RP1: variants seen among roughly 807,000 people sequenced by gnomAD.
The protein encoded by RP1 is oxygen-regulated protein 1.
RP1 carries 16 observed loss-of-function variants against 14.8 expected under a neutral mutation model. The observed-to-expected ratio is 1.08, with a 90% confidence interval of 0.73 to 1.65. The LOEUF (loss-of-function observed/expected upper bound fraction) is 1.65, where lower values mean the gene tolerates loss of function less well. Among genes scored for constraint, RP1 ranks in the 40% most tolerant of loss-of-function variants. RP1 has a pLI of 0.00. For missense variants in RP1, 2,631 were observed against 2,535.0 expected (o/e 1.04, Z -0.81); for synonymous variants, 876 against 883.6 (o/e 0.99, Z 0.15).
At chr8:54,853,641 TG>T (rs1459759160) in intron 26 of RP1, among the ~76,000 whole-genome samples, 1 of 151,696 alleles carries the variant, frequency 6.6e-6, no homozygotes, top group Non-Finnish European at 1.5e-5. Flanking sequence ...AAAATATTAT[TG>T]GAAAAAAATT....
chr8:54,834,948 T>C (rs939639087), intron 24 of RP1, among the ~76,000 whole-genome samples: 5 of 152,146 alleles, frequency 3.3e-5, no homozygotes, highest in African/African-American at 9.6e-5. Flanking sequence ...TATGAAAGTG[T>C]CTTAAACAGA....
At chr8:54,749,766 G>T (rs555721615) in intron 19 of RP1, among the ~76,000 whole-genome samples, 1 of 152,266 alleles carries the variant, frequency 6.6e-6, no homozygotes, top group Non-Finnish European at 1.5e-5. Flanking sequence ...AGGGACCCAG[G>T]AGACTAGAAG....
intron 24 of RP1, among the ~76,000 whole-genome samples, chr8:54,817,964 C>T (rs556345428): frequency 6.6e-6 from 1 of 151,740 alleles, no homozygotes; most frequent in African/African-American, 2.4e-5. Flanking sequence ...AATGTGACTG[C>T]CCCTTACAGA....
At chr8:54,762,459 G>T (rs2129370843) in intron 22 of RP1, among the ~76,000 whole-genome samples, 1 of 152,188 alleles carries the variant, frequency 6.6e-6, no homozygotes, top group East Asian at 1.9e-4. Flanking sequence ...TTATTTCTAT[G>T]CCTGAAGGTA....
At chr8:54,698,649 C>A (rs1291040926) in intron 12 of RP1, among the ~76,000 whole-genome samples, 3 of 152,092 alleles carry the variant, frequency 2.0e-5, no homozygotes, top group Non-Finnish European at 4.4e-5. Flanking sequence ...AAATGTCCAT[C>A]AATGATAGAC....
intron 1 of RP1, among the ~76,000 whole-genome samples, chr8:54,573,922 C>G (rs1335061320): frequency 1.3e-5 from 2 of 152,162 alleles, no homozygotes; most frequent in African/African-American, 4.8e-5. Context: ...AAGAGGGGAG[C>G]AGGGCCATTT....
At chr8:54,666,951 G>A (rs1413182879) in intron 7 of RP1, among the ~76,000 whole-genome samples, 2 of 151,908 alleles carry the variant, frequency 1.3e-5, no homozygotes, top group African/African-American at 4.8e-5. Context: ...CAATGCACCA[G>A]AAACCTGGTG....
At chr8:54,796,072 A>G (rs942505354) in intron 24 of RP1, among the ~76,000 whole-genome samples, 1 of 152,202 alleles carries the variant, frequency 6.6e-6, no homozygotes, top group African/African-American at 2.4e-5. Context: ...CTCAATTGGT[A>G]GCCAAGGAAT....
At chr8:54,837,956 G>C (rs1465994807) in intron 25 of RP1, among the ~76,000 whole-genome samples, 1 of 152,174 alleles carries the variant, frequency 6.6e-6, no homozygotes, top group Non-Finnish European at 1.5e-5. Flanking sequence ...TAGTATTCTG[G>C]TTTTGATTTT....
At chr8:54,832,922 T>C (rs1468057641) in intron 24 of RP1, among the ~76,000 whole-genome samples, 1 of 152,026 alleles carries the variant, frequency 6.6e-6, no homozygotes, top group Non-Finnish European at 1.5e-5. Flanking sequence ...GAATTTATCA[T>C]GCTTTTATAA....
In RP1 at chr8:54,663,686, C is replaced by T. The variant is rs1433772944; in HGVS notation, c.1172-13C>T. 1.1e-5 allele frequency: 16 copies of T among 1,501,830 alleles called. No individual in the cohort carries two copies. The African/African-American group carries it at 1.1e-4, about 11-fold the overall frequency. 93.0% of individuals were successfully genotyped at this position (1,501,830 alleles called of 1,614,324 possible). ...CTGCTTGGCACTGAAAGTTTTTTTT[C>T]TTATGTTGTCAGTGACAATATATGA... On this transcript the variant is annotated splice_polypyrimidine_tract_variant and intron_variant, in intron 6 of 22. Transcript: ENST00000636932.
chr8:54,815,943 A>G (rs529838832), intron 24 of RP1, among the ~76,000 whole-genome samples: 1 of 152,162 alleles, frequency 6.6e-6, no homozygotes, highest in Non-Finnish European at 1.5e-5. Context: ...TACACCATGA[A>G]TATGAACCTG....
rs117074190 is a variant in RP1, at chr8:54,686,295, T to A, written c.1717+6362T>A. On this transcript the variant is annotated intron_variant, in intron 12 of 22. Coordinates refer to the RP1 transcript ENST00000636932. ...TTCACATGCCTGGAAAGTGTTTTGA[T>A]GAACAATGCTGACCTGTAGACATCT... Among the ~76,000 whole-genome samples the A allele has an allele frequency of 7.0e-4, 107 of 152,224 alleles. 2 individuals carry two copies. In the East Asian group the frequency reaches 0.019, roughly 27 times the overall value.
intron 12 of RP1, among the ~76,000 whole-genome samples, chr8:54,691,516 A>G (rs530564146): frequency 1.3e-5 from 2 of 152,078 alleles, no homozygotes; most frequent in Non-Finnish European, 2.9e-5. Flanking sequence ...TACATGCAAA[A>G]GTATATGAAC....
chr8:54,853,246 T>C (rs1470782634), intron 26 of RP1, among the ~76,000 whole-genome samples: 1 of 152,096 alleles, frequency 6.6e-6, no homozygotes, highest in African/African-American at 2.4e-5. Context: ...ATTTCTCACT[T>C]GAAAAGTGGC....
chr8:54,758,430 G>A (rs1232020360), intron 21 of RP1, among the ~76,000 whole-genome samples: 2 of 135,818 alleles, frequency 1.5e-5, no homozygotes, highest in Non-Finnish European at 3.2e-5. Flanking sequence ...AGGTGCAGGG[G>A]AAGGATGTAT....
intron 1 of RP1, among the ~76,000 whole-genome samples, chr8:54,592,443 T>C (rs1805061129): frequency 6.6e-6 from 1 of 152,244 alleles, no homozygotes; most frequent in African/African-American, 2.4e-5. Flanking sequence ...CCTGCTGCGA[T>C]GAGCTGGTGA....
At chr8:54,851,066 T>C (rs1034557730) in intron 25 of RP1, among the ~76,000 whole-genome samples, 15 of 152,192 alleles carry the variant, frequency 9.9e-5, no homozygotes, top group African/African-American at 2.4e-4. Flanking sequence ...TGTGTGTGTG[T>C]GCGTGCATGT....
chr8:54,755,850 G>A lies in RP1; in HGVS notation c.3093+80G>A, dbSNP rs551651859. ...ACATATGATTTAAAATTTAAAAGGC[G>A]TTTGGCACTCTTCAAATTGTAGTTT... On this transcript the variant is annotated intron_variant, in intron 21 of 22. Coordinates refer to the RP1 transcript ENST00000636932. The A allele has an allele frequency of 1.1e-3, 1,330 of 1,262,758 alleles. 3 individuals carry two copies. The highest frequency in any genetic ancestry group is 2.2e-3 in the South Asian group (120 of 55,706). The allele number at this position is 1,262,758 out of a possible 1,614,324, so 78.2% of individuals were successfully genotyped here. A position where few individuals can be genotyped will look rare whatever the true frequency, so the allele number is the denominator to read the frequency against.
Sources: allele counts gnomAD v4.1 joint callset (sites outside exome capture counted in the v4.1 genomes callset), GRCh38; gene constraint gnomAD v4.1.1; transcripts MANE v1.5; gene names NCBI Gene and HGNC (gene_info 2026-07-23, HGNC 2026-07-21).